Variants in RPH3A observed in about 807,000 individuals in gnomAD.
RPH3A encodes rabphilin-3A.
RPH3A carries 48 observed loss-of-function variants against 102.2 expected under a neutral mutation model. The ratio of observed to expected loss-of-function variants is 0.47; its 90% CI spans 0.37 to 0.60. RPH3A has a LOEUF of 0.60. RPH3A is among the 20% of genes least tolerant of loss of function. The pLI is 0.00. For synonymous variants in RPH3A, 310 were observed against 324.3 expected (o/e 0.96, Z 0.47); for missense variants, 781 against 910.1 (o/e 0.86, Z 1.83).
At chr12:112,641,944 T>A (rs2039894184) in intron 1 of RPH3A, among the ~76,000 whole-genome samples, 1 of 152,172 alleles carries the variant, frequency 6.6e-6, no homozygotes, top group African/African-American at 2.4e-5. Context: ...ATATTATTTC[T>A]ATTTTTCAGG....
chr12:112,713,677 C>A (rs1313357995), intron 1 of RPH3A, among the ~76,000 whole-genome samples: 1 of 152,120 alleles, frequency 6.6e-6, no homozygotes, highest in Non-Finnish European at 1.5e-5. Flanking sequence ...AGAGTCCCAC[C>A]AGCTGGCAGT....
chr12:112,787,862 T>C (rs116219393), upstream of RPH3A, among the ~76,000 whole-genome samples: 861 of 152,326 alleles, frequency 5.7e-3, 10 homozygotes, highest in African/African-American at 0.02. Flanking sequence ...CCCATCCTCT[T>C]TGGGGTGATG....
chr12:112,806,359 G>A (rs758473496), intron 2 of RPH3A, among the ~76,000 whole-genome samples: 50 of 152,338 alleles, frequency 3.3e-4, no homozygotes, highest in Middle Eastern at 3.4e-3. Flanking sequence ...TTTCAGCTTG[G>A]TACACTGGCT....
At chr12:112,718,380 A>C (rs2040527787) in intron 1 of RPH3A, among the ~76,000 whole-genome samples, 1 of 152,160 alleles carries the variant, frequency 6.6e-6, no homozygotes, top group Non-Finnish European at 1.5e-5. Context: ...TAAAGGACAA[A>C]TGTAGAGAGG....
At chr12:112,816,120 T>C (rs1182941046) in intron 2 of RPH3A, among the ~76,000 whole-genome samples, 2 of 152,188 alleles carry the variant, frequency 1.3e-5, no homozygotes, top group Non-Finnish European at 2.9e-5. Flanking sequence ...CTGCCTCCAG[T>C]GGAGTCATGT....
chr12:112,723,939 AATTTGTGTAATGG>A (rs1430343871), intron 1 of RPH3A, among the ~76,000 whole-genome samples: 1 of 152,190 alleles, frequency 6.6e-6, no homozygotes, highest in African/African-American at 2.4e-5. Context: ...GTAAGTTCTA[AATTTGTGTAATGG>A]ATTTGTGTAT....
chr12:112,594,082 C>T (rs1187815578), intron 1 of RPH3A, among the ~76,000 whole-genome samples: 1 of 152,198 alleles, frequency 6.6e-6, no homozygotes, highest in Non-Finnish European at 1.5e-5. Flanking sequence ...TAAAGACAGT[C>T]AGGAAACTTA....
chr12:112,894,819 G>T (rs1328956375), intron 20 of RPH3A, among the ~76,000 whole-genome samples, 160 bp downstream of exon 20: 1 of 152,162 alleles, frequency 6.6e-6, no homozygotes, highest in Non-Finnish European at 1.5e-5. Flanking sequence ...TTGAGAACAT[G>T]CTAAGTTGGT....
chr12:112,791,115 G>A (rs545175508), upstream of RPH3A: 3 of 152,280 alleles, frequency 2.0e-5, no homozygotes, highest in Admixed American at 1.3e-4. Context: ...AAGCCACCCT[G>A]CCCCTTAGAA....
intron 3 of RPH3A, among the ~76,000 whole-genome samples, chr12:112,835,108 C>T (rs2042026522): frequency 6.6e-6 from 1 of 152,144 alleles, no homozygotes; most frequent in African/African-American, 2.4e-5. Flanking sequence ...CCCATATACT[C>T]CACAGCAAAT....
chr12:112,609,793 T>G (rs778586280), intron 1 of RPH3A, among the ~76,000 whole-genome samples: 34 of 152,188 alleles, frequency 2.2e-4, no homozygotes, highest in Non-Finnish European at 4.3e-4. Flanking sequence ...ATGGGAAACA[T>G]AACCAGCCCC....
chr12:112,693,156 G>A lies in RPH3A; in HGVS notation c.-139-98987G>A, dbSNP rs1005459866. Among the ~76,000 whole-genome samples the A allele has an allele frequency of 2.8e-4, 43 of 152,138 alleles. 1 individual carries two copies. Among genetic ancestry groups the A allele is most frequent in the African/African-American group, 1.0e-3 (43 of 41,412 alleles). Reference sequence around the variant, plus strand: ...TAAATGTTGACACCATACTGTCCAGGGATCAGCATTTGAATCTGGCATTGA... The same window carrying A: ...TAAATGTTGACACCATACTGTCCAGAGATCAGCATTTGAATCTGGCATTGA... On this transcript the variant is annotated intron_variant, in intron 1 of 21. Coordinates refer to the RPH3A transcript ENST00000543106.
intron 1 of RPH3A, among the ~76,000 whole-genome samples, chr12:112,582,780 C>T (rs2039409707): frequency 6.6e-6 from 1 of 152,090 alleles, no homozygotes; most frequent in Non-Finnish European, 1.5e-5. Flanking sequence ...ATGTGTATGT[C>T]ATATTTCATT....
At chr12:112,803,029 G>A (rs186153027) in intron 2 of RPH3A, among the ~76,000 whole-genome samples, 150 of 152,286 alleles carry the variant, frequency 9.8e-4, no homozygotes, top group African/African-American at 3.4e-3. Context: ...CCAAAGCCTG[G>A]GATTGAGAAG....
At chr12:112,828,276 T>C in intron 2 of RPH3A, 25 bp from the exon 3 acceptor site, 1 of 1,514,660 alleles carries the variant, frequency 6.6e-7, no homozygotes, top group Non-Finnish European at 9.2e-7. Context: ...TGGGGTGATG[T>C]CCTCTCTGGA....
intron 15 of RPH3A, among the ~76,000 whole-genome samples, chr12:112,882,767 G>C (rs746255940): frequency 1.3e-5 from 2 of 152,168 alleles, no homozygotes; most frequent in African/African-American, 2.4e-5. Flanking sequence ...CTTTGCTGAA[G>C]AATCTAATGT....
intron 1 of RPH3A, among the ~76,000 whole-genome samples, chr12:112,738,460 C>T (rs938656332): frequency 6.6e-6 from 1 of 152,194 alleles, no homozygotes; most frequent in African/African-American, 2.4e-5. Context: ...AATAAGGTCA[C>T]ATTCTGAAAT....
At chr12:112,647,588 A>AGG (rs2039940766) in intron 1 of RPH3A, among the ~76,000 whole-genome samples, 1 of 142,522 alleles carries the variant, frequency 7.0e-6, no homozygotes, top group Admixed American at 7.2e-5. Flanking sequence ...GGGGCTAGAG[A>AGG]GGGTGTGTGT....
At chr12:112,598,295 A>C (rs930377835) in intron 1 of RPH3A, among the ~76,000 whole-genome samples, 1 of 152,222 alleles carries the variant, frequency 6.6e-6, no homozygotes, top group Admixed American at 6.5e-5. Context: ...CCACTGACTT[A>C]GCATGCTTGG....
Sources: gnomAD v4.1 joint callset for allele counts (sites outside exome capture counted in the v4.1 genomes callset) on GRCh38, gnomAD v4.1.1 for gene constraint, MANE v1.5 for transcripts, NCBI Gene and HGNC (gene_info 2026-07-23, HGNC 2026-07-21) for gene names.